Variants in SPATA1 observed in about 807,000 individuals in gnomAD.
The protein encoded by SPATA1 is spermatogenesis-associated protein 1.
Under a neutral mutation model 59.6 loss-of-function variants are expected in SPATA1, and 57 were observed. The ratio of observed to expected loss-of-function variants is 0.96; its 90% CI spans 0.77 to 1.19. The LOEUF is 1.19. SPATA1 is among the 50% of genes most tolerant of loss of function. The probability of loss-of-function intolerance (pLI) is 0.00; values close to 1 mark genes in which losing one functional copy is unlikely to be tolerated. For missense variants in SPATA1, 448 were observed against 480.7 expected (o/e 0.93, Z 0.64); for synonymous variants, 147 against 163.9 (o/e 0.90, Z 0.79).
At position 84,522,522 on chromosome 1, in the gene SPATA1, T is replaced by C. The variant is rs765469484; in HGVS notation, c.261+15T>C. On this transcript the variant is annotated intron_variant, in intron 4 of 12. Coordinates refer to ENST00000490879, the Ensembl canonical transcript of SPATA1. ...ATTTAGCTGTGGTAAGTTTTCTTTT[T>C]TTTTCTTTCTGATTGAGAAAGACCA... The C allele has an allele frequency of 2.0e-5, 28 of 1,415,988 alleles. No individual in the cohort carries two copies. Among genetic ancestry groups the C allele is most frequent in the Non-Finnish European group, 2.7e-5 (28 of 1,045,170 alleles). The allele number at this position is 1,415,988 out of a possible 1,614,324, so 87.7% of individuals were successfully genotyped here.
At chr1:84,541,500 C>T (rs947337074) in intron 8 of SPATA1, among the ~76,000 whole-genome samples, 2 of 151,942 alleles carry the variant, frequency 1.3e-5, no homozygotes, top group Non-Finnish European at 2.9e-5. Context: ...TCTTGGAACA[C>T]CTGCTAATTT....
At position 84,506,412 on chromosome 1, in the gene SPATA1, GGGAGAGGTAA is replaced by G. The variant is rs1471019648; in HGVS notation, c.-138+1_-138+10del. ...TTTTCCTCTCCAGAGGGGCCGATTA[GGGAGAGGTAA>G]GGAGAGAGCTTACCGTTAGCCGCGA... On this transcript the variant is annotated splice_donor_variant and splice_donor_region_variant and 5_prime_UTR_variant and intron_variant, in exon 1 of 13. Transcript: ENST00000490879. LOFTEE classifies it low-confidence loss of function (5UTR_SPLICE). The G allele has an allele frequency of 9.1e-6, 2 of 219,026 alleles. No individual in the cohort carries two copies. Among genetic ancestry groups the G allele is most frequent in the Non-Finnish European group, 1.8e-5 (2 of 109,578 alleles). The allele number at this position is 219,026 out of a possible 1,614,324, so 13.6% of individuals were successfully genotyped here.
chr1:84,510,069 G>A (rs953425310), intron 1 of SPATA1, among the ~76,000 whole-genome samples: 26 of 151,876 alleles, frequency 1.7e-4, no homozygotes, highest in Non-Finnish European at 1.2e-4. Flanking sequence ...ATGTACCTGT[G>A]GTCCCAGCTA....
chr1:84,553,112 C>T, exon 13 of SPATA1: 1 of 1,497,538 alleles, frequency 6.7e-7, no homozygotes, highest in Non-Finnish European at 9.0e-7. Context: ...TACATCTCTA[C>T]AATCTCAATT....
chr1:84,520,880 A>C (rs919555982), intron 3 of SPATA1, among the ~76,000 whole-genome samples, 189 bp downstream of exon 3: 4 of 152,242 alleles, frequency 2.6e-5, no homozygotes, highest in Non-Finnish European at 5.9e-5. Flanking sequence ...TTCTGTAGGA[A>C]TAGCTCACTT....
rs777548056 is a variant in SPATA1 at position 84,545,631 on chromosome 1, T to C, written c.821-3T>C. The C allele has an allele frequency of 1.3e-6, 2 of 1,510,396 alleles. No homozygotes were observed. The highest frequency in any genetic ancestry group is 5.1e-5 in the East Asian group (2 of 39,510). The allele number at this position is 1,510,396 out of a possible 1,614,324, so 93.6% of individuals were successfully genotyped here. A position where few individuals can be genotyped will look rare whatever the true frequency, so the allele number is the denominator to read the frequency against. On this transcript the variant is annotated splice_polypyrimidine_tract_variant and splice_region_variant and intron_variant, in intron 9 of 12. Coordinates refer to ENST00000490879, the Ensembl canonical transcript of SPATA1. ...TGATGAATATGAGTTATAATCTCTT[T>C]AGGAGAGAAGATTATCAAACAAATG...
intron 6 of SPATA1, among the ~76,000 whole-genome samples, chr1:84,529,575 C>A (rs1683373571): frequency 8.6e-6 from 1 of 116,766 alleles, no homozygotes. Context: ...AGGTAATATG[C>A]CTTTTTTTTT....
At chr1:84,529,009 AT>A (rs1291446791) in intron 6 of SPATA1, among the ~76,000 whole-genome samples, 1 of 151,324 alleles carries the variant, frequency 6.6e-6, no homozygotes, top group Non-Finnish European at 1.5e-5. Flanking sequence ...CTATATATAT[AT>A]TTTTTCATAT....
At chr1:84,529,576 CTTTTTTT>C (rs761561650) in intron 6 of SPATA1, among the ~76,000 whole-genome samples, 2 of 91,350 alleles carry the variant, frequency 2.2e-5, no homozygotes, top group Non-Finnish European at 4.0e-5. Context: ...GGTAATATGC[CTTTTTTT>C]TTTTTTTTTT....
intron 4 of SPATA1, among the ~76,000 whole-genome samples, chr1:84,564,177 A>G (rs1294837042): frequency 6.6e-6 from 1 of 152,230 alleles, no homozygotes; most frequent in Non-Finnish European, 1.5e-5. Context: ...TCTAGATTCT[A>G]AAGTTTCAAA....
intron 9 of SPATA1, 111 bp downstream of exon 9, chr1:84,544,415 A>G: frequency 1.3e-6 from 1 of 786,328 alleles, no homozygotes; most frequent in Non-Finnish European, 2.0e-6. Context: ...AAGATAAATA[A>G]GTTCTGGAGA....
chr1:84,543,090 C>G (rs1683964120), intron 8 of SPATA1, among the ~76,000 whole-genome samples: 1 of 152,122 alleles, frequency 6.6e-6, no homozygotes, highest in Non-Finnish European at 1.5e-5. Flanking sequence ...TGGCCTCTCT[C>G]TCTCTAAAAG....
At chr1:84,548,749 CCTTTT>C in intron 10 of SPATA1, 32 bp from the exon 11 acceptor site, 1 of 994,914 alleles carries the variant, frequency 1.0e-6, no homozygotes. Context: ...GAAGGCCTTT[CCTTTT>C]TTTTTTTTTT....
intron 1 of SPATA1, among the ~76,000 whole-genome samples, chr1:84,510,739 C>T (rs1444067219): frequency 6.6e-6 from 1 of 152,086 alleles, no homozygotes; most frequent in Non-Finnish European, 1.5e-5. Context: ...TCACAATAGC[C>T]AAGATTTAAA....
At chr1:84,519,460 A>G (rs1682929506) in intron 2 of SPATA1, among the ~76,000 whole-genome samples, 1 of 152,076 alleles carries the variant, frequency 6.6e-6, no homozygotes, top group Admixed American at 6.6e-5. Flanking sequence ...TTTTTTAAGA[A>G]GCATATATAT....
At chr1:84,545,046 TAAAAATACAA>T (rs1391686928) in intron 9 of SPATA1, among the ~76,000 whole-genome samples, 5 of 150,056 alleles carry the variant, frequency 3.3e-5, no homozygotes, top group South Asian at 2.1e-4. Context: ...CCATCTCTAC[TAAAAATACAA>T]AAAAATACAA....
At chr1:84,557,824 C>G (rs1333211310), downstream of SPATA1, among the ~76,000 whole-genome samples, 2 of 148,208 alleles carry the variant, frequency 1.3e-5, no homozygotes, top group Non-Finnish European at 3.0e-5. Flanking sequence ...CGCCACTGCA[C>G]ACCAGCGTGG....
chr1:84,529,650 C>T (rs1472196350), intron 6 of SPATA1, among the ~76,000 whole-genome samples: 2 of 128,430 alleles, frequency 1.6e-5, no homozygotes, highest in Non-Finnish European at 3.1e-5. Flanking sequence ...GGTGCGATCT[C>T]GGCTCACTGC....
intron 3 of SPATA1, among the ~76,000 whole-genome samples, chr1:84,521,561 A>G (rs1683028043): frequency 6.6e-6 from 1 of 151,796 alleles, no homozygotes; most frequent in Admixed American, 6.6e-5. Flanking sequence ...TTACTCACAT[A>G]TTACCTTTTT....
Sources: gnomAD v4.1 joint callset for allele counts (sites outside exome capture counted in the v4.1 genomes callset) on GRCh38, gnomAD v4.1.1 for gene constraint, MANE v1.5 for transcripts, NCBI Gene and HGNC (gene_info 2026-07-23, HGNC 2026-07-21) for gene names.